DLGAP2: variants seen among roughly 807,000 people sequenced by gnomAD.
DLGAP2 encodes the protein DLG associated protein 2.
Under a neutral mutation model 100.3 loss-of-function variants are expected in DLGAP2, and 26 were observed. The ratio of observed to expected loss-of-function variants is 0.26; its 90% CI spans 0.19 to 0.36. The LOEUF is 0.36. Ranked by LOEUF, DLGAP2 falls within the 10% of genes least tolerant of loss-of-function variation. DLGAP2 has a pLI of 1.00. For synonymous variants in DLGAP2, 886 were observed against 630.1 expected (o/e 1.41, Z -6.08); for missense variants, 1,858 against 1,453.2 (o/e 1.28, Z -4.53).
chr8:1,312,810 C>T (rs964157590), intron 3 of DLGAP2, among the ~76,000 whole-genome samples: 1 of 152,164 alleles, frequency 6.6e-6, no homozygotes, highest in Non-Finnish European at 1.5e-5. Context: ...CTTCTTGCAG[C>T]AGGGTTTGTA....
At chr8:1,597,709 C>T (rs1001689965) in intron 6 of DLGAP2, among the ~76,000 whole-genome samples, 3 of 152,304 alleles carry the variant, frequency 2.0e-5, no homozygotes, top group Admixed American at 1.3e-4. Flanking sequence ...GATTTTTGCA[C>T]ATTGATTTTG....
Position 1,136,795 on chromosome 8 carries a change from C to T in DLGAP2, c.74-122056C>T, listed in dbSNP as rs1015173912. On this transcript the variant is annotated intron_variant, in intron 2 of 14. Coordinates refer to ENST00000637795, the MANE Select transcript of DLGAP2 (RefSeq NM_001346810.2). ...ACGGGGCGTGTTGGTGGTGCAGGTGCGCCTAGAAGACCAGGCCTGGCTGCT... is the reference window on the plus strand; with the variant it reads ...ACGGGGCGTGTTGGTGGTGCAGGTGTGCCTAGAAGACCAGGCCTGGCTGCT... Among the ~76,000 whole-genome samples, 6 of 152,204 alleles carry T rather than the reference C, an allele frequency of 3.9e-5. No individual in the cohort carries two copies. In the East Asian group the frequency reaches 5.8e-4, roughly 15 times the overall value.
At chr8:1,259,308 G>T (rs1479224621) in intron 3 of DLGAP2, among the ~76,000 whole-genome samples, 2 of 152,158 alleles carry the variant, frequency 1.3e-5, no homozygotes, top group Non-Finnish European at 2.9e-5. Flanking sequence ...GCCTTTGCTG[G>T]CTGTGAGTGA....
chr8:1,057,870 A>G (rs576064843), intron 2 of DLGAP2, among the ~76,000 whole-genome samples: 1 of 152,300 alleles, frequency 6.6e-6, no homozygotes, highest in South Asian at 2.1e-4. Context: ...TAAAAAAAAA[A>G]GAGGTTGCAT....
At position 1,114,628 on chromosome 8, in the gene DLGAP2, A is replaced by AT. The variant is rs576271252; in HGVS notation, c.74-144213dup. ...TTCCAGCTAGCAGCCTATCTTACTAATTTTTTTTTTCAAAAAATGAACTCC... is the reference window on the plus strand; with the variant it reads ...TTCCAGCTAGCAGCCTATCTTACTAATTTTTTTTTTTCAAAAAATGAACTCC... On this transcript the variant is annotated intron_variant, in intron 2 of 14. Coordinates refer to ENST00000637795, the MANE Select transcript of DLGAP2 (RefSeq NM_001346810.2). 7.6e-4 allele frequency among the ~76,000 whole-genome samples: 108 copies of AT among 141,530 alleles called. 1 individual carries two copies. The South Asian group carries it at 0.011, about 14-fold the overall frequency. The allele number at this position is 141,530 out of a possible 152,430, so 92.8% of individuals were successfully genotyped here.
intron 1 of DLGAP2, among the ~76,000 whole-genome samples, chr8:785,201 G>T (rs1180591614): frequency 8.1e-6 from 1 of 123,550 alleles, no homozygotes; most frequent in Non-Finnish European, 1.6e-5. Flanking sequence ...TGGCCTGGGC[G>T]ACAGAGCGAG....
chr8:1,241,981 G>A (rs1221842247), intron 2 of DLGAP2, among the ~76,000 whole-genome samples: 1 of 152,176 alleles, frequency 6.6e-6, no homozygotes, highest in Admixed American at 6.5e-5. Context: ...TTTATGGCCC[G>A]AGATGGTCTC....
At chr8:1,578,852 G>C (rs182588145) in intron 6 of DLGAP2, among the ~76,000 whole-genome samples, 3 of 152,114 alleles carry the variant, frequency 2.0e-5, no homozygotes, top group African/African-American at 7.2e-5. Flanking sequence ...TTGTGTCCCC[G>C]ATCGGGAAGG....
At chr8:1,205,063 C>T (rs761361774) in intron 2 of DLGAP2, among the ~76,000 whole-genome samples, 8 of 152,258 alleles carry the variant, frequency 5.3e-5, no homozygotes, top group South Asian at 2.1e-4. Flanking sequence ...CATGGGGAAC[C>T]GGAATGTGGT....
intron 2 of DLGAP2, among the ~76,000 whole-genome samples, chr8:1,192,727 T>A (rs1319413377): frequency 6.6e-6 from 1 of 151,782 alleles, no homozygotes; most frequent in East Asian, 1.9e-4. Context: ...AATGTGCAGG[T>A]TAGTTACATA....
intron 1 of DLGAP2, among the ~76,000 whole-genome samples, chr8:859,858 G>A (rs369034040): frequency 2.6e-5 from 4 of 152,244 alleles, no homozygotes; most frequent in East Asian, 1.9e-4. Context: ...GATGGAAGAC[G>A]GAAGACGTGG....
At position 1,468,746 on chromosome 8, in the gene DLGAP2, A is replaced by ATTTGGTCTTCTGAGC. The variant is rs546010267; in HGVS notation, c.107-32620_107-32619insTTTGGTCTTCTGAGC. ...TTCTCGCCATTCTGGATGCCAGAAG[A>ATTTGGTCTTCTGAGC]CCAAAGCTGAGGCATGGGCAGAGCT... On this transcript the variant is annotated intron_variant, in intron 3 of 14. Coordinates refer to ENST00000637795, the MANE Select transcript of DLGAP2 (RefSeq NM_001346810.2). Among the ~76,000 whole-genome samples, 1,129 of 152,328 alleles carry ATTTGGTCTTCTGAGC rather than the reference A, an allele frequency of 7.4e-3. 14 individuals are homozygous for ATTTGGTCTTCTGAGC. The highest frequency in any genetic ancestry group is 0.026 in the African/African-American group (1,070 of 41,570).
intron 2 of DLGAP2, among the ~76,000 whole-genome samples, chr8:1,004,701 C>T (rs761131172): frequency 6.6e-6 from 1 of 152,244 alleles, no homozygotes; most frequent in South Asian, 2.1e-4. Context: ...GGAGTGTCTC[C>T]AGTATGTGCG....
chr8:1,177,603 T>C (rs999918131), intron 2 of DLGAP2, among the ~76,000 whole-genome samples: 2 of 152,286 alleles, frequency 1.3e-5, no homozygotes, highest in South Asian at 4.1e-4. Flanking sequence ...TCAGAGAAAA[T>C]AGGCAAAGCC....
At chr8:1,223,487 C>G (rs958199864) in intron 2 of DLGAP2, among the ~76,000 whole-genome samples, 5 of 152,164 alleles carry the variant, frequency 3.3e-5, no homozygotes, top group African/African-American at 1.2e-4. Context: ...TACAAGATGA[C>G]TAAAAGTTTA....
intron 3 of DLGAP2, among the ~76,000 whole-genome samples, chr8:1,452,254 TGTGTTCTGTGGCTGG>T (rs1226881336): frequency 2.6e-5 from 4 of 152,172 alleles, no homozygotes; most frequent in East Asian, 3.9e-4. Context: ...TCTGTGGCCA[TGTGTTCTGTGGCTGG>T]GTGTTCTGTG....
At chr8:1,684,849 T>C (rs1242560389) in intron 12 of DLGAP2, among the ~76,000 whole-genome samples, 2 of 152,152 alleles carry the variant, frequency 1.3e-5, no homozygotes, top group African/African-American at 4.8e-5. Flanking sequence ...TCCATTGAGA[T>C]GCAACTCTCA....
chr8:1,297,343 G>C (rs1200227458), intron 3 of DLGAP2: 1 of 152,332 alleles, frequency 6.6e-6, no homozygotes, highest in Non-Finnish European at 1.5e-5. Context: ...TCTAGAGGTT[G>C]TTGGCCATCT....
intron 1 of DLGAP2, among the ~76,000 whole-genome samples, chr8:880,883 A>G (rs1382598806): frequency 6.6e-6 from 1 of 152,244 alleles, no homozygotes. Context: ...TGCCTCCTCC[A>G]TGCATAAACA....
Sources: gnomAD v4.1 joint callset for allele counts (sites outside exome capture counted in the v4.1 genomes callset) on GRCh38, gnomAD v4.1.1 for gene constraint, MANE v1.5 for transcripts, NCBI Gene and HGNC (gene_info 2026-07-23, HGNC 2026-07-21) for gene names.